The following RANBP2 variants were observed in gnomAD, a reference collection of about 807,000 sequenced individuals.
The protein encoded by RANBP2 is RAN binding protein 2.
In RANBP2, 57 loss-of-function variants were observed where a neutral mutation model predicts 303.6. The observed-to-expected ratio is 0.19, with a 90% CI of 0.15 to 0.23. RANBP2 has a LOEUF of 0.23. RANBP2 is among the 10% of genes least tolerant of loss of function. The pLI is 1.00. For missense variants in RANBP2, 3,138 were observed against 3,780.8 expected (o/e 0.83, Z 4.46); for synonymous variants, 1,167 against 1,301.5 (o/e 0.90, Z 2.23).
rs570302472 is a variant in RANBP2, at chr2:108,737,763, G to C, written c.782+1514G>C. 1.5e-3 allele frequency among the ~76,000 whole-genome samples: 223 copies of C among 149,218 alleles called. 1 individual carries two copies. The highest frequency in any genetic ancestry group is 4.9e-3 in the African/African-American group (198 of 40,362). ...GAGTCTCGCTCTGTCACCCAGGCTG[G>C]AGTACTGTGGGGCAATCTCGGCTCA... On this transcript the variant is annotated intron_variant, in intron 6 of 28. Transcript: ENST00000283195.
the RANBP2 span, among the ~76,000 whole-genome samples, chr2:109,285,252 G>C: frequency 6.6e-6 from 1 of 152,238 alleles, no homozygotes; most frequent in African/African-American, 2.4e-5. Context: ...GATCCACTCA[G>C]TGTGAAGGGC....
the RANBP2 span, among the ~76,000 whole-genome samples, chr2:109,638,271 T>C: frequency 2.1e-4 from 32 of 152,334 alleles, no homozygotes; most frequent in African/African-American, 7.5e-4. Context: ...TTTCAAGGAT[T>C]CCTAGCACTC....
At chr2:109,463,994 TC>T in the RANBP2 span, among the ~76,000 whole-genome samples, 17 of 152,254 alleles carry the variant, frequency 1.1e-4, no homozygotes, top group East Asian at 2.1e-3. Flanking sequence ...GGATAGACCC[TC>T]GCTCGGGAGG....
At chr2:109,274,092 A>T in the RANBP2 span, among the ~76,000 whole-genome samples, 2 of 152,308 alleles carry the variant, frequency 1.3e-5, no homozygotes, top group Non-Finnish European at 2.9e-5. Flanking sequence ...CTTTATTGTC[A>T]TGTCAAGGAA....
At chr2:109,387,668 A>G in the RANBP2 span, among the ~76,000 whole-genome samples, 2 of 151,966 alleles carry the variant, frequency 1.3e-5, no homozygotes. Context: ...CTCCTCTCAT[A>G]CTTTTTCCTC....
the RANBP2 span, among the ~76,000 whole-genome samples, chr2:109,640,805 A>G: frequency 6.6e-6 from 1 of 152,162 alleles, no homozygotes; most frequent in Non-Finnish European, 1.5e-5. Flanking sequence ...GAGACTGAGC[A>G]TCTGCTGTTC....
chr2:108,736,296 C>CT lies in RANBP2; in HGVS notation c.782+52dup, dbSNP rs370949631. The CT allele has an allele frequency of 9.3e-4, 1,502 of 1,611,606 alleles. 14 individuals carry two copies. In the African/African-American group the frequency reaches 0.017, roughly 18 times the overall value. On this transcript the variant is annotated intron_variant, in intron 6 of 28. Transcript: ENST00000283195. ...TGCTTTAGTATAAATTGCAGTTTTT[C>CT]TTTTTGCAGTAAGTTCATTGCTCTA...
At chr2:109,035,428 G>A in the RANBP2 span, among the ~76,000 whole-genome samples, 1 of 152,080 alleles carries the variant, frequency 6.6e-6, no homozygotes, top group Non-Finnish European at 1.5e-5. Flanking sequence ...AAAAGCCTAG[G>A]GACCTCAGAC....
At chr2:109,012,970 G>A in the RANBP2 span, among the ~76,000 whole-genome samples, 16 of 152,126 alleles carry the variant, frequency 1.1e-4, no homozygotes, top group East Asian at 1.2e-3. Context: ...TGTATATTCC[G>A]GAGGAAAAGT....
At chr2:109,215,906 G>A in the RANBP2 span, among the ~76,000 whole-genome samples, 1 of 152,242 alleles carries the variant, frequency 6.6e-6, no homozygotes. Context: ...TCCACACAGA[G>A]CTGCGAATGT....
the RANBP2 span, among the ~76,000 whole-genome samples, chr2:109,355,854 A>G: frequency 1.3e-5 from 2 of 152,154 alleles, no homozygotes; most frequent in Non-Finnish European, 2.9e-5. Flanking sequence ...TGAAGCAGCT[A>G]TTTCCTCCTT....
chr2:108,862,917 G>C, the RANBP2 span, among the ~76,000 whole-genome samples: 5 of 145,580 alleles, frequency 3.4e-5, no homozygotes, highest in South Asian at 9.1e-4. Context: ...TACTTGAGTT[G>C]TTCTGTTTAA....
the RANBP2 span, among the ~76,000 whole-genome samples, chr2:108,950,120 T>C: frequency 4.6e-5 from 7 of 152,012 alleles, no homozygotes; most frequent in African/African-American, 1.5e-4. Flanking sequence ...GCAGCACACA[T>C]AGGGACATGT....
At chr2:109,275,415 CCCT>C in the RANBP2 span, among the ~76,000 whole-genome samples, 1 of 152,204 alleles carries the variant, frequency 6.6e-6, no homozygotes, top group Admixed American at 6.5e-5. Context: ...GGTTCCGTGA[CCCT>C]CCATTCAGTT....
chr2:108,870,121 A>G, the RANBP2 span, among the ~76,000 whole-genome samples: 102 of 152,338 alleles, frequency 6.7e-4, 1 homozygote, highest in Middle Eastern at 6.8e-3. Flanking sequence ...AAATAATGAA[A>G]TCAGGGAAAT....
chr2:109,136,730 T>G, the RANBP2 span, among the ~76,000 whole-genome samples: 2 of 152,204 alleles, frequency 1.3e-5, no homozygotes, highest in Non-Finnish European at 2.9e-5. Flanking sequence ...TTCCACTTAA[T>G]GTAATGTGTG....
At chr2:109,494,300 T>C in the RANBP2 span, among the ~76,000 whole-genome samples, 1 of 150,314 alleles carries the variant, frequency 6.7e-6, no homozygotes. Flanking sequence ...CTTTGGTGGC[T>C]CCTTGCACCC....
chr2:109,078,158 T>TATATATAGC, the RANBP2 span, among the ~76,000 whole-genome samples: 1 of 118,722 alleles, frequency 8.4e-6, no homozygotes. Flanking sequence ...ATAGCATGTA[T>TATATATAGC]ATATATATAG....
chr2:109,710,619 A>G, the RANBP2 span, among the ~76,000 whole-genome samples: 6 of 152,182 alleles, frequency 3.9e-5, no homozygotes, highest in Non-Finnish European at 5.9e-5. Context: ...CCCCACCACC[A>G]AGGCCCTGGC....
Sources: allele counts gnomAD v4.1 joint callset (sites outside exome capture counted in the v4.1 genomes callset), GRCh38; gene constraint gnomAD v4.1.1; transcripts MANE v1.5; gene names NCBI Gene and HGNC (gene_info 2026-07-23, HGNC 2026-07-21).